NRXN1: variants seen among roughly 807,000 people sequenced by gnomAD.
The protein encoded by NRXN1 is neurexin 1.
Under a neutral mutation model 150.9 loss-of-function variants are expected in NRXN1, and 39 were observed. That is an observed-to-expected ratio of 0.26 (90% CI 0.20 to 0.34). NRXN1 has a LOEUF of 0.34. Among genes scored for constraint, NRXN1 ranks in the 10% least tolerant of loss-of-function variants. The pLI is 1.00. For synonymous variants in NRXN1, 924 were observed against 757.0 expected, an observed-to-expected ratio of 1.22 and a Z score of -3.62; for missense variants, 1,815 against 1,949.9, an observed-to-expected ratio of 0.93 and a Z score of 1.30.
intron 5 of NRXN1, among the ~76,000 whole-genome samples, chr2:50,858,983 C>A (rs1675679997): frequency 6.6e-6 from 1 of 152,076 alleles, no homozygotes; most frequent in African/African-American, 2.4e-5. Flanking sequence ...GATTCATTAA[C>A]AGCCCGGCCT....
chr2:50,485,958 A>G (rs1255625828), intron 15 of NRXN1, among the ~76,000 whole-genome samples: 1 of 152,206 alleles, frequency 6.6e-6, no homozygotes, highest in Non-Finnish European at 1.5e-5. Flanking sequence ...GGCAGCCTCA[A>G]TTCTGAGCTT....
At chr2:50,751,830 A>G (rs1038673865) in intron 5 of NRXN1, among the ~76,000 whole-genome samples, 3 of 151,968 alleles carry the variant, frequency 2.0e-5, no homozygotes, top group Non-Finnish European at 2.9e-5. Flanking sequence ...AAAACTTTCC[A>G]CAGGTGTCAC....
At chr2:50,851,249 G>A (rs566697195) in intron 5 of NRXN1, among the ~76,000 whole-genome samples, 1 of 152,218 alleles carries the variant, frequency 6.6e-6, no homozygotes, top group South Asian at 2.1e-4. Flanking sequence ...AGGGTGAGGG[G>A]TGAGGGTGAC....
intron 5 of NRXN1, among the ~76,000 whole-genome samples, chr2:50,770,331 T>A: frequency 6.8e-6 from 1 of 146,160 alleles, no homozygotes; most frequent in Admixed American, 6.7e-5. Context: ...TTATATTTTA[T>A]ATATATATAT....
intron 8 of NRXN1, among the ~76,000 whole-genome samples, chr2:50,616,689 A>G (rs1212357764): frequency 6.6e-6 from 1 of 152,182 alleles, no homozygotes; most frequent in Non-Finnish European, 1.5e-5. Flanking sequence ...CCAAAGGAAG[A>G]AAGTTGAACT....
chr2:50,691,891 C>CTGTGAAGT (rs1362213964), intron 5 of NRXN1, among the ~76,000 whole-genome samples: 4 of 152,144 alleles, frequency 2.6e-5, no homozygotes, highest in African/African-American at 9.7e-5. Context: ...TAAGACTCAT[C>CTGTGAAGT]TGTGAAGTCC....
intron 2 of NRXN1, among the ~76,000 whole-genome samples, chr2:50,964,446 CTATT>C (rs1011788876): frequency 2.0e-5 from 3 of 151,426 alleles, no homozygotes; most frequent in African/African-American, 7.3e-5. Context: ...AAAGATGTAA[CTATT>C]TAAAGGATGT....
chr2:50,185,899 T>A (rs944322776), intron 18 of NRXN1, among the ~76,000 whole-genome samples: 9 of 152,108 alleles, frequency 5.9e-5, no homozygotes, highest in African/African-American at 1.9e-4. Flanking sequence ...ATAGTTTTAC[T>A]CAGTGTGTGT....
intron 2 of NRXN1, among the ~76,000 whole-genome samples, chr2:50,935,254 A>G (rs929580928): frequency 1.3e-5 from 2 of 152,180 alleles, no homozygotes; most frequent in African/African-American, 4.8e-5. Flanking sequence ...AAACCAAATG[A>G]GCAAATAAAA....
At chr2:50,228,164 A>G (rs1267617451) in intron 18 of NRXN1, among the ~76,000 whole-genome samples, 1 of 152,012 alleles carries the variant, frequency 6.6e-6, no homozygotes, top group Non-Finnish European at 1.5e-5. Flanking sequence ...ATAATAGAAA[A>G]CATTAATAAT....
intron 17 of NRXN1, among the ~76,000 whole-genome samples, chr2:50,303,611 A>G (rs572070604): frequency 8.9e-4 from 135 of 152,288 alleles, no homozygotes; most frequent in Non-Finnish European, 9.3e-4. Context: ...TATTCTCTGT[A>G]AACCTTTCAT....
Position 50,477,925 on chromosome 2 carries a change from T to C in NRXN1, c.3071-5454A>G, listed in dbSNP as rs368342212. Among the ~76,000 whole-genome samples the C allele has an allele frequency of 1.6e-4, 25 of 152,296 alleles. No individual in the cohort carries two copies. In the East Asian group the frequency reaches 4.4e-3, roughly 27 times the overall value. The stretch of plus-strand genomic sequence containing the variant: ...GTGCAGCTTTTTCTCCTAATTCTTA[T>C]TGTGATTGGATGGTAAAAGTAGTGC... On this transcript the variant is annotated intron_variant, in intron 15 of 22. Transcript: ENST00000401669.
intron 18 of NRXN1, among the ~76,000 whole-genome samples, chr2:50,206,519 C>T (rs139074634): frequency 0.012 from 1,762 of 152,024 alleles, 20 homozygotes; most frequent in Non-Finnish European, 0.019. Flanking sequence ...ATTCCATTCC[C>T]CACTTGATGG....
intron 18 of NRXN1, among the ~76,000 whole-genome samples, chr2:50,132,197 A>AAACCCCATGTAACTCTACTGC: frequency 6.6e-6 from 1 of 152,304 alleles, no homozygotes; most frequent in South Asian, 2.1e-4. Flanking sequence ...AGACAATTAA[A>AAACCCCATGTAACTCTACTGC]AACCCCATGT....
At chr2:50,677,970 A>G (rs1409255264) in intron 5 of NRXN1, among the ~76,000 whole-genome samples, 4 of 152,134 alleles carry the variant, frequency 2.6e-5, no homozygotes, top group African/African-American at 9.7e-5. Flanking sequence ...CATATTTCTA[A>G]ATATTAAATT....
In NRXN1 at chr2:50,534,099, G is replaced by GCACACA. The variant is rs10544475; in HGVS notation, c.2144-2675_2144-2670dup. Among the ~76,000 whole-genome samples the GCACACA allele has an allele frequency of 2.4e-3, 347 of 147,212 alleles. 2 individuals carry two copies. The highest frequency in any genetic ancestry group is 7.6e-3 in the African/African-American group (308 of 40,422). On this transcript the variant is annotated intron_variant, in intron 10 of 22. Transcript: ENST00000401669. ...ATAAATATTAATTGAATCAATAATT[G>GCACACA]CACACACACACACACACACACACAC... is the stretch of plus-strand genomic sequence containing the variant.
intron 17 of NRXN1, among the ~76,000 whole-genome samples, chr2:50,329,577 TAGTGTGTGTGTG>T (rs1424318671): frequency 1.1e-4 from 6 of 55,370 alleles, no homozygotes; most frequent in African/African-American, 5.1e-4. Context: ...TATATAACAG[TAGTGTGTGTGTG>T]TGTGTGTGTG....
chr2:50,543,228 C>T (rs2093426771), intron 9 of NRXN1, among the ~76,000 whole-genome samples: 1 of 152,012 alleles, frequency 6.6e-6, no homozygotes, highest in Admixed American at 6.5e-5. Context: ...CATTCTACCC[C>T]TTCTACTGAA....
At chr2:50,879,356 T>A (rs1453489662) in intron 5 of NRXN1, among the ~76,000 whole-genome samples, 1 of 152,006 alleles carries the variant, frequency 6.6e-6, no homozygotes, top group Non-Finnish European at 1.5e-5. Context: ...TCATATAGAT[T>A]GCTTATTTGC....
Sources: allele counts gnomAD v4.1 joint callset (sites outside exome capture counted in the v4.1 genomes callset), GRCh38; gene constraint gnomAD v4.1.1; transcripts MANE v1.5; gene names NCBI Gene and HGNC (gene_info 2026-07-23, HGNC 2026-07-21).